The following GDF1 variants were observed in gnomAD, a reference collection of about 807,000 sequenced individuals.
GDF1 encodes embryonic growth/differentiation factor 1.
A neutral mutation model predicts 7.4 loss-of-function variants in GDF1; 8 were observed. The observed-to-expected ratio is 1.09, with a 90% CI of 0.64 to 1.96. The LOEUF is 1.96. Among genes scored for constraint, GDF1 ranks in the 30% most tolerant of loss-of-function variants. GDF1 has a pLI of 0.00. For synonymous variants in GDF1, 311 were observed against 276.7 expected (o/e 1.12, Z -1.23); for missense variants, 574 against 551.5 (o/e 1.04, Z -0.41).
chr19:18,877,789 T>G (rs1448641320), intron 6 of GDF1: 1 of 154,272 alleles, frequency 6.5e-6, no homozygotes, highest in Non-Finnish European at 1.4e-5. Flanking sequence ...TCTTGACTCA[T>G]GCTCAAAGGA....
chr19:18,893,681 T>A, intron 1 of GDF1, 106 bp from the exon 2 acceptor site: 1 of 1,156,452 alleles, frequency 8.6e-7, no homozygotes, highest in Non-Finnish European at 1.2e-6. Context: ...CGGGCAGCAC[T>A]GGGAAGGCCT....
intron 7 of GDF1, among the ~76,000 whole-genome samples, chr19:18,869,592 G>A (rs1449044955): frequency 6.6e-6 from 1 of 151,262 alleles, no homozygotes; most frequent in Admixed American, 6.6e-5. Context: ...GCGGCGGGGG[G>A]GGTGGGCTGC....
At position 18,868,854 on chromosome 19, in the gene GDF1, G is replaced by C; in HGVS notation, c.862C>G (p.Pro288Ala). The change falls in exon 8 of 8, where the codon CCG becomes GCG. Residue 288 changes from proline to alanine, a missense_variant. Physicochemically the swap from Pro to Ala is conservative, Grantham distance 27. Transcript: ENST00000247005. Reference sequence around the variant, plus strand: ...CAGTAGTTGGCCAGGAAGCCGCGCGGCGCGATGACCCAGCGGTGCCAGCCC... The same window carrying C: ...CAGTAGTTGGCCAGGAAGCCGCGCGCCGCGATGACCCAGCGGTGCCAGCCC... ...EVGWHRWVIA[P>A]RGFLANYCQG... 2 of 1,446,614 alleles carry C rather than the reference G, an allele frequency of 1.4e-6. No homozygotes were observed. Among genetic ancestry groups the C allele is most frequent in the Non-Finnish European group, 1.8e-6 (2 of 1,092,048 alleles). 89.6% of individuals were successfully genotyped at this position (1,446,614 alleles called of 1,614,324 possible).
In GDF1 at chr19:18,868,586, C is replaced by G; in HGVS notation, c.*11G>C. 6.5e-7 allele frequency: 1 copy of G among 1,547,244 alleles called. No individual in the cohort carries two copies. The highest frequency in any genetic ancestry group is 8.7e-7 in the Non-Finnish European group (1 of 1,142,964). On this transcript the variant is annotated 3_prime_UTR_variant, in exon 8 of 8. Transcript: ENST00000247005. ...ATTTATTGTTGGGCCCGCGTCCCTG[C>G]CCGCCCCGGGTTAGCGGCAGCCGCA... is the stretch of plus-strand genomic sequence containing the variant.
intron 3 of GDF1, among the ~76,000 whole-genome samples, 195 bp from the exon 4 acceptor site, chr19:18,880,630 C>T (rs550707154): frequency 6.6e-6 from 1 of 152,074 alleles, no homozygotes; most frequent in Non-Finnish European, 1.5e-5. Context: ...CCCCACTTAG[C>T]CGTGCACCCC....
intron 3 of GDF1, 131 bp from the exon 4 acceptor site, chr19:18,880,566 T>C: frequency 1.2e-6 from 1 of 808,978 alleles, no homozygotes; most frequent in Non-Finnish European, 1.9e-6. Flanking sequence ...CCACCCTTCC[T>C]GCCTCGCCTG....
rs1227952846 is a variant in GDF1, at chr19:18,869,155, C to T, written c.561G>A (p.Val187=). The change falls in exon 8 of 8, where the codon GTG becomes GTA. Residue 187 remains valine (V), a synonymous_variant. Transcript: ENST00000247005. ...CGCGCACTGGCGGCCCCAGGGCGGGCACCAACTGGCGGAGCAGCACCGGCC... is the reference window on the plus strand; with the variant it reads ...CGCGCACTGGCGGCCCCAGGGCGGGTACCAACTGGCGGAGCAGCACCGGCC... ...DPGPVLLRQL[V]PALGPPVRAE... The T allele has an allele frequency of 2.0e-5, 23 of 1,130,314 alleles. No homozygotes were observed. The highest frequency in any genetic ancestry group is 2.4e-5 in the Non-Finnish European group (22 of 922,360). The allele number at this position is 1,130,314 out of a possible 1,614,324, so 70.0% of individuals were successfully genotyped here.
chr19:18,894,086 C>T (rs2056564873), intron 1 of GDF1, among the ~76,000 whole-genome samples: 1 of 98,282 alleles, frequency 1.0e-5, no homozygotes, highest in Admixed American at 1.2e-4. Flanking sequence ...GAAGGTGTGG[C>T]GGGGACATGG....
chr19:18,892,530 C>T (rs910609256), intron 2 of GDF1, among the ~76,000 whole-genome samples: 18 of 152,130 alleles, frequency 1.2e-4, no homozygotes, highest in South Asian at 4.2e-4. Context: ...AGGAGAATGG[C>T]GTGAACCCAG....
In GDF1 at chr19:18,868,589, G is replaced by A. The variant is rs767628860; in HGVS notation, c.*8C>T. On this transcript the variant is annotated 3_prime_UTR_variant, in exon 8 of 8. Coordinates refer to ENST00000247005, the MANE Select transcript of GDF1 (RefSeq NM_001492.6). ...TATTGTTGGGCCCGCGTCCCTGCCC[G>A]CCCCGGGTTAGCGGCAGCCGCACTC... 1.3e-6 allele frequency: 2 copies of A among 1,549,918 alleles called. No individual in the cohort carries two copies. Among genetic ancestry groups the A allele is most frequent in the Middle Eastern group, 1.7e-4 (1 of 5,822 alleles).
At chr19:18,869,432 C>T (rs1164393829) in intron 7 of GDF1, 42 bp from the exon 8 acceptor site, 5 of 1,519,720 alleles carry the variant, frequency 3.3e-6, no homozygotes, top group African/African-American at 1.4e-5. Flanking sequence ...GCTGCGTCCC[C>T]GGCCTGCCCA....
Position 18,869,019 on chromosome 19 carries a change from C to T in GDF1, c.697G>A (p.Ala233Thr). The T allele has an allele frequency of 9.2e-7, 1 of 1,086,994 alleles. No homozygotes were observed. Among genetic ancestry groups the T allele is most frequent in the Non-Finnish European group, 1.1e-6 (1 of 896,158 alleles). The allele number at this position is 1,086,994 out of a possible 1,614,324, so 67.3% of individuals were successfully genotyped here. The change falls in exon 8 of 8, where the codon GCC (alanine) becomes ACC (threonine). Residue 233 changes from alanine (A) to threonine (T), a missense_variant. Coordinates refer to ENST00000247005, the MANE Select transcript of GDF1 (RefSeq NM_001492.6). ...APAACARLAEASLLLVTLDPR... is the reference protein window; with the variant it reads ...APAACARLAETSLLLVTLDPR... ...TCGAGGGTCACCAGCAGCAGCGAGGCCTCGGCCAGGCGCGCGCAGGCGGCA... is the reference window on the plus strand; with the variant it reads ...TCGAGGGTCACCAGCAGCAGCGAGGTCTCGGCCAGGCGCGCGCAGGCGGCA...
chr19:18,878,218 T>G lies in GDF1; in HGVS notation c.-313+712A>C. The stretch of plus-strand genomic sequence containing the variant: ...GCCCCGGCTCCTGCTCAAACACTCC[T>G]CACGTTGCCTATGAGACACTGCACA... On this transcript the variant is annotated intron_variant, in intron 6 of 7. Transcript: ENST00000247005. This position sits in a 1 kb window ranked among gnomAD's most constrained non-coding sequence, Gnocchi z 4.6. 1.0e-6 allele frequency: 1 copy of G among 985,466 alleles called. No individual in the cohort carries two copies. The highest frequency in any genetic ancestry group is 1.2e-6 in the Non-Finnish European group (1 of 830,104). The allele number at this position is 985,466 out of a possible 1,614,324, so 61.0% of individuals were successfully genotyped here. A position where few individuals can be genotyped will look rare whatever the true frequency, so the allele number is the denominator to read the frequency against.
chr19:18,890,783 G>GC (rs1555706591), intron 2 of GDF1, among the ~76,000 whole-genome samples: 1 of 99,766 alleles, frequency 1.0e-5, no homozygotes, highest in Non-Finnish European at 1.9e-5. Context: ...CGCGTCTGGG[G>GC]AAAAAAAAAA....
rs1259279844 is a variant in GDF1, at chr19:18,888,830, C to CA, written c.-913-4564dup. Among the ~76,000 whole-genome samples the CA allele has an allele frequency of 3.3e-5, 5 of 149,256 alleles. No individual in the cohort carries two copies. In the South Asian group the frequency reaches 1.1e-3, roughly 32 times the overall value. On this transcript the variant is annotated intron_variant, in intron 2 of 7. Transcript: ENST00000247005. ...GGGCAACAAGAGCGAAACTCTGTCT[C>CA]AAAAAAACAAACAACAAACAAACAA...
At position 18,868,980 on chromosome 19, in the gene GDF1, G is replaced by A; in HGVS notation, c.736C>T (p.His246Tyr). 2.6e-6 allele frequency: 3 copies of A among 1,136,980 alleles called. No homozygotes were observed. Among genetic ancestry groups the A allele is most frequent in the Non-Finnish European group, 3.2e-6 (3 of 927,512 alleles). 70.4% of individuals were successfully genotyped at this position (1,136,980 alleles called of 1,614,324 possible). A position where few individuals can be genotyped will look rare whatever the true frequency, so the allele number is the denominator to read the frequency against. The change falls in exon 8 of 8, where the codon CAC (histidine) becomes TAC (tyrosine). Residue 246 changes from histidine (H) to tyrosine (Y), a missense_variant. Coordinates refer to ENST00000247005, the MANE Select transcript of GDF1 (RefSeq NM_001492.6). ...TCGCGCCGCGGCCGGGCCAGGGGGT[G>A]GCACAGGCGCGGGTCGAGGGTCACC... ...LLVTLDPRLC[H>Y]PLARPRRDAE...
chr19:18,889,287 C>T (rs199865893), intron 2 of GDF1, among the ~76,000 whole-genome samples: 7 of 152,256 alleles, frequency 4.6e-5, no homozygotes, highest in South Asian at 4.1e-4. Context: ...CATGTGAGCC[C>T]GAGCTTTTGC....
intron 6 of GDF1, among the ~76,000 whole-genome samples, chr19:18,873,853 A>AAAAG (rs972300903): frequency 2.6e-5 from 4 of 151,522 alleles, no homozygotes; most frequent in Admixed American, 2.0e-4. Context: ...AAAAAAAAAA[A>AAAAG]AAAGAAGAAG....
chr19:18,888,961 G>A (rs1042640716), intron 2 of GDF1, among the ~76,000 whole-genome samples: 4 of 141,330 alleles, frequency 2.8e-5, no homozygotes, highest in African/African-American at 1.1e-4. Context: ...GCATGATCTC[G>A]ACTCACTGCA....
Sources: allele counts gnomAD v4.1 joint callset (sites outside exome capture counted in the v4.1 genomes callset), GRCh38; gene constraint gnomAD v4.1.1; non-coding constraint Gnocchi (gnomAD v3.1); transcripts MANE v1.5; gene names NCBI Gene and HGNC (gene_info 2026-07-23, HGNC 2026-07-21).